The following DPY19L3 variants were observed in gnomAD, a reference collection of about 807,000 sequenced individuals.
The protein encoded by DPY19L3 is protein C-mannosyl-transferase DPY19L3.
DPY19L3 carries 51 observed loss-of-function variants against 92.3 expected under a neutral mutation model. The ratio of observed to expected loss-of-function variants is 0.55; its 90% confidence interval spans 0.44 to 0.70. The LOEUF (loss-of-function observed/expected upper bound fraction) is 0.70. DPY19L3 is among the 30% of genes least tolerant of loss of function. The pLI is 0.00. For synonymous variants in DPY19L3, 309 were observed against 315.2 expected (o/e 0.98, Z 0.21); for missense variants, 706 against 855.9 (o/e 0.82, Z 2.18).
At chr19:32,458,279 C>G in intron 11 of DPY19L3, 72 bp from the exon 12 acceptor site, 1 of 1,586,250 alleles carries the variant, frequency 6.3e-7, no homozygotes, top group Non-Finnish European at 8.6e-7. Context: ...CAGACTCCCT[C>G]TGAGGAAAGA....
In DPY19L3 at chr19:32,458,087, C is replaced by T. The variant is rs1969922969; in HGVS notation, c.1090-13C>T. On this transcript the variant is annotated splice_polypyrimidine_tract_variant and intron_variant, in intron 10 of 18. Coordinates refer to ENST00000392250, the MANE Select transcript of DPY19L3 (RefSeq NM_001172774.2). Reference sequence around the variant, plus strand: ...GGACTAATAGCAATTTTTGTTTTCTCTTTCCCCGATAGAAAATTCTTAACC... The same window carrying T: ...GGACTAATAGCAATTTTTGTTTTCTTTTTCCCCGATAGAAAATTCTTAACC... 2 of 1,604,250 alleles carry T rather than the reference C, an allele frequency of 1.2e-6. No homozygotes were observed. The highest frequency in any genetic ancestry group is 1.1e-5 in the South Asian group (1 of 88,750).
At chr19:32,439,414 A>G (rs1014626308) in intron 7 of DPY19L3, among the ~76,000 whole-genome samples, 179 bp downstream of exon 7, 1 of 152,188 alleles carries the variant, frequency 6.6e-6, no homozygotes, top group Non-Finnish European at 1.5e-5. Flanking sequence ...TGCAAAGAAA[A>G]TGTTTTCATT....
chr19:32,440,162 T>G (rs938344306), intron 8 of DPY19L3, among the ~76,000 whole-genome samples: 7 of 152,260 alleles, frequency 4.6e-5, no homozygotes, highest in African/African-American at 1.7e-4. Context: ...CTAGGTCAAT[T>G]GTTATTTATA....
intron 1 of DPY19L3, among the ~76,000 whole-genome samples, chr19:32,406,848 C>T (rs1018089098): frequency 6.6e-6 from 1 of 152,122 alleles, no homozygotes; most frequent in African/African-American, 2.4e-5. Flanking sequence ...TAAAAAAGTC[C>T]TCTCACACTT....
chr19:32,412,216 A>T (rs879904829), intron 3 of DPY19L3: 1 of 152,144 alleles, frequency 6.6e-6, no homozygotes, highest in Non-Finnish European at 1.5e-5. Flanking sequence ...AACTTATTCC[A>T]TTTATTTAGC....
At chr19:32,411,468 A>G (rs1235579920) in intron 3 of DPY19L3, 96 bp downstream of exon 3, 3 of 1,343,644 alleles carry the variant, frequency 2.2e-6, no homozygotes, top group Non-Finnish European at 1.0e-6. Flanking sequence ...GTTTTGCCAT[A>G]AAGAATCCAA....
At chr19:32,447,765 ATAGATAGATAGAT>A (rs1263822923) in intron 8 of DPY19L3, among the ~76,000 whole-genome samples, 5 of 145,486 alleles carry the variant, frequency 3.4e-5, no homozygotes, top group African/African-American at 1.3e-4. Context: ...AGATAGATAG[ATAGATAGATAGAT>A]TAGATAAGAT....
Position 32,411,266 on chromosome 19 carries a change from T to C in DPY19L3, c.131T>C (p.Ile44Thr). The C allele has an allele frequency of 6.2e-7, 1 of 1,612,678 alleles. No homozygotes were observed. The highest frequency in any genetic ancestry group is 8.5e-7 in the Non-Finnish European group (1 of 1,179,958). Residue 44 changes from isoleucine to threonine, a missense_variant, in exon 3 of 19, where the codon ATT becomes ACT. Transcript: ENST00000392250. ...SGCTSRRLWK[I>T]LSLTIGGTIA... ...TGTACCAGTAGAAGATTATGGAAGA[T>C]TTTGTCATTGACAATTGGTGGAACC...
rs777430228 is a variant in DPY19L3, at chr19:32,432,819, GAT to G, written c.328+15_328+16del. The G allele has an allele frequency of 1.2e-6, 2 of 1,611,834 alleles. No homozygotes were observed. Among genetic ancestry groups the G allele is most frequent in the Non-Finnish European group, 1.7e-6 (2 of 1,178,508 alleles). On this transcript the variant is annotated intron_variant, in intron 4 of 18. Transcript: ENST00000392250. ...ACCCTCGTGCAAGGTAATTACAACTGATAGTTTCATTTGGGGTCTCCTGCATT... is the reference window on the plus strand; with the variant it reads ...ACCCTCGTGCAAGGTAATTACAACTGAGTTTCATTTGGGGTCTCCTGCATT...
chr19:32,415,930 G>A (rs1026758964), intron 3 of DPY19L3, among the ~76,000 whole-genome samples: 3 of 152,196 alleles, frequency 2.0e-5, no homozygotes, highest in Non-Finnish European at 4.4e-5. Flanking sequence ...CCACTTTGAG[G>A]ACATGTAAAC....
chr19:32,407,495 G>A (rs1476656088), intron 1 of DPY19L3, among the ~76,000 whole-genome samples: 2 of 152,296 alleles, frequency 1.3e-5, no homozygotes, highest in East Asian at 3.9e-4. Context: ...CCACTTCTGT[G>A]GGAGGTACTG....
At chr19:32,460,355 G>C (rs1182394918) in intron 12 of DPY19L3, among the ~76,000 whole-genome samples, 1 of 152,168 alleles carries the variant, frequency 6.6e-6, no homozygotes, top group Non-Finnish European at 1.5e-5. Flanking sequence ...AGGTTTCAGT[G>C]AACTATAATT....
chr19:32,427,176 G>A (rs1175541705), intron 3 of DPY19L3, among the ~76,000 whole-genome samples: 9 of 152,054 alleles, frequency 5.9e-5, no homozygotes, highest in Non-Finnish European at 1.5e-5. Flanking sequence ...TATATTTTTA[G>A]TACAGCCTGG....
At chr19:32,436,911 C>G (rs1020305317) in intron 5 of DPY19L3, among the ~76,000 whole-genome samples, 1 of 151,870 alleles carries the variant, frequency 6.6e-6, no homozygotes, top group Admixed American at 6.6e-5. Flanking sequence ...TCACAATGAC[C>G]ACTTCTCATG....
intron 8 of DPY19L3, among the ~76,000 whole-genome samples, chr19:32,443,493 C>T (rs1279823951): frequency 6.6e-6 from 1 of 152,154 alleles, no homozygotes; most frequent in South Asian, 2.1e-4. Flanking sequence ...ACCCCTTTCA[C>T]CATGTGAGGA....
intron 15 of DPY19L3, among the ~76,000 whole-genome samples, chr19:32,467,079 C>T (rs887002647): frequency 3.3e-5 from 5 of 152,182 alleles, no homozygotes; most frequent in Non-Finnish European, 5.9e-5. Context: ...GGGAAAAAAG[C>T]ATGTACTAGC....
intron 4 of DPY19L3, among the ~76,000 whole-genome samples, chr19:32,435,210 C>T (rs1359739594): frequency 6.6e-6 from 1 of 152,168 alleles, no homozygotes; most frequent in African/African-American, 2.4e-5. Flanking sequence ...ATAAGAACAC[C>T]AGTCCTATCA....
Position 32,482,102 on chromosome 19 carries a change from T to C in DPY19L3, c.2013T>C (p.Asn671=). 1 of 1,613,806 alleles carries C rather than the reference T, an allele frequency of 6.2e-7. No homozygotes were observed. Among genetic ancestry groups the C allele is most frequent in the African/African-American group, 1.3e-5 (1 of 74,996 alleles). Residue 671 remains asparagine, a synonymous_variant, in exon 19 of 19, where the codon AAT becomes AAC. Coordinates refer to ENST00000392250, the MANE Select transcript of DPY19L3 (RefSeq NM_001172774.2). ...AGATGATGGATGGCCCAGGAGAGAA[T>C]GATCCTGATTTGAAACCTGCAGACC... The part of the protein sequence containing the change: ...NGHMMDGPGE[N]DPDLKPADHP...
chr19:32,481,521 C>T (rs1249779744), intron 18 of DPY19L3: 2 of 152,184 alleles, frequency 1.3e-5, no homozygotes, highest in African/African-American at 4.8e-5. Flanking sequence ...CTCAAGTGAT[C>T]CTCCCACTTC....
Sources: allele counts gnomAD v4.1 joint callset (sites outside exome capture counted in the v4.1 genomes callset), GRCh38; gene constraint gnomAD v4.1.1; transcripts MANE v1.5; gene names NCBI Gene and HGNC (gene_info 2026-07-23, HGNC 2026-07-21).